The following VSIG10L variants were observed in gnomAD, a reference collection of about 807,000 sequenced individuals.
VSIG10L encodes the protein V-set and immunoglobulin domain-containing protein 10-like.
A neutral mutation model predicts 67.3 loss-of-function variants in VSIG10L; 63 were observed. That is an observed-to-expected ratio of 0.94 (90% confidence interval 0.76 to 1.15). The LOEUF is 1.15. Ranked by LOEUF, VSIG10L falls within the 50% of genes most tolerant of loss-of-function variation. VSIG10L has a pLI of 0.00. For synonymous variants in VSIG10L, 499 were observed against 524.9 expected, an observed-to-expected ratio of 0.95 and a Z score of 0.67; for missense variants, 1,050 against 1,177.5, an observed-to-expected ratio of 0.89 and a Z score of 1.58.
rs1985657520 is a variant in VSIG10L at position 51,342,125 on chromosome 19, G to A, written c.-1C>T. On this transcript the variant is annotated 5_prime_UTR_variant, in exon 1 of 10. Coordinates refer to ENST00000335624, the MANE Select transcript of VSIG10L (RefSeq NM_001163922.3). This position sits in a 1 kb window ranked among gnomAD's most constrained non-coding sequence, Gnocchi z 4.4. ...GTGGCAGAGCCTGTGGGTTGTCCAT[G>A]GTGCTGGCCTCACTGAAAGGACACT... The A allele has an allele frequency of 4.5e-6, 7 of 1,551,590 alleles. No homozygotes were observed. The highest frequency in any genetic ancestry group is 6.1e-6 in the Non-Finnish European group (7 of 1,146,990).
chr19:51,333,872 A>G lies in VSIG10L; in HGVS notation c.2493T>C (p.His831=), dbSNP rs200741101. Reference sequence around the variant, plus strand: ...ATGAAATCTCCACTGGGGTCACACTATGCATCTTCTTTTCTGAGGGGGTGA... The same window carrying G: ...ATGAAATCTCCACTGGGGTCACACTGTGCATCTTCTTTTCTGAGGGGGTGA... ...PVVTPSEKKM[H]SVTPVEISWP... is the part of the protein sequence containing the mutation. The change falls in exon 9 of 10, where the codon CAT becomes CAC. Residue 831 remains histidine (H), a synonymous_variant. Coordinates refer to ENST00000335624, the MANE Select transcript of VSIG10L (RefSeq NM_001163922.3). 3.3e-4 allele frequency: 510 copies of G among 1,551,654 alleles called. No individual in the cohort carries two copies. The Middle Eastern group carries it at 3.8e-3, about 12-fold the overall frequency.
rs1985507486 is a variant in VSIG10L at position 51,337,332 on chromosome 19, A to G, written c.2211T>C (p.Leu737=). 6.4e-7 allele frequency: 1 copy of G among 1,551,520 alleles called. No individual in the cohort carries two copies. Among genetic ancestry groups the G allele is most frequent in the South Asian group, 1.2e-5 (1 of 84,056 alleles). The change falls in exon 7 of 10, where the codon CTT becomes CTC. Residue 737 remains leucine, a synonymous_variant. Transcript: ENST00000335624. ...TCCAGGTCCCTGGGTTCCGAGGTGG[A>G]AGGGGCACCACGGCTGACCGCTCCT... ...GPQERSAVVP[L]PPRNPGTWTF...
rs1263178238 is a variant in VSIG10L at position 51,338,047 on chromosome 19, T to C, written c.1891A>G (p.Ser631Gly). 211 of 1,551,534 alleles carry C rather than the reference T, an allele frequency of 1.4e-4. No individual in the cohort carries two copies. Among genetic ancestry groups the C allele is most frequent in the Non-Finnish European group, 1.8e-4 (206 of 1,146,972 alleles). ...ATGTGGAGTTTCCGCCCATCTTGAC[T>C]GAGCCGCAGGCGACTCCCGCCTCCT... ...APGGGSRLRL[S>G]QDGRKLHIGN... Residue 631 changes from serine to glycine, a missense_variant, in exon 6 of 10, where the codon AGT (serine) becomes GGT (glycine). Transcript: ENST00000335624.
chr19:51,332,341 G>A lies in VSIG10L; in HGVS notation c.*270C>T. On this transcript the variant is annotated 3_prime_UTR_variant, in exon 10 of 10. Transcript: ENST00000335624. ...CCTGCCTGTCTGCTGCAGAGGCTTGGAGGTTGTGCAAACCACACAGTTAGA... is the reference window on the plus strand; with the variant it reads ...CCTGCCTGTCTGCTGCAGAGGCTTGAAGGTTGTGCAAACCACACAGTTAGA... The A allele has an allele frequency of 1.7e-5, 9 of 538,242 alleles. No individual in the cohort carries two copies. Among genetic ancestry groups the A allele is most frequent in the Non-Finnish European group, 2.7e-5 (8 of 293,822 alleles). The allele number at this position is 538,242 out of a possible 1,614,324, so 33.3% of individuals were successfully genotyped here.
chr19:51,332,678 G>A (rs1212229481), intron 9 of VSIG10L, 38 bp from the exon 10 acceptor site: 1 of 1,535,034 alleles, frequency 6.5e-7, no homozygotes, highest in East Asian at 2.5e-5. Context: ...GAACTCAGTA[G>A]GTACTCTGGA....
chr19:51,332,607 C>T lies in VSIG10L; in HGVS notation c.*4G>A. 6.5e-7 allele frequency: 1 copy of T among 1,544,188 alleles called. No individual in the cohort carries two copies. Among genetic ancestry groups the T allele is most frequent in the African/African-American group, 1.4e-5 (1 of 70,210 alleles). On this transcript the variant is annotated 3_prime_UTR_variant, in exon 10 of 10. Transcript: ENST00000335624. ...GGCTGCGCGAACAGTCTTTGAGCCT[C>T]CGCCTACAGAGACAACTGAACTGGG...
chr19:51,337,207 G>A (rs1447782301), intron 7 of VSIG10L, 31 bp downstream of exon 7: 2 of 1,521,536 alleles, frequency 1.3e-6, no homozygotes, highest in Non-Finnish European at 8.9e-7. Flanking sequence ...TGGCACAACA[G>A]AGAAGGTCTA....
In VSIG10L at chr19:51,337,465, C is replaced by T. The variant is rs959599620; in HGVS notation, c.2078G>A (p.Arg693His). 1.2e-5 allele frequency: 19 copies of T among 1,551,340 alleles called. No homozygotes were observed. The highest frequency in any genetic ancestry group is 4.9e-5 in the East Asian group (2 of 40,912). Residue 693 changes from arginine (R) to histidine (H), a missense_variant, in exon 7 of 10, where the codon CGC (arginine) becomes CAC (histidine). By Grantham distance (29) the Arg-to-His change is conservative (BLOSUM62 0). Around this residue, in one of 3 missense-constraint regions of VSIG10L, gnomAD observed 529 missense variants for 584.9 expected, o/e 0.90. Coordinates refer to ENST00000335624, the MANE Select transcript of VSIG10L (RefSeq NM_001163922.3). ...DAAVLTWDVE[R>H]GALISSFEIQ... The stretch of plus-strand genomic sequence containing the variant: ...CTCAAAACTGCTGATCAGGGCCCCG[C>T]GCTCCACATCCCAAGTCAGCACGGC...
chr19:51,336,958 G>A (rs532595316), intron 7 of VSIG10L, among the ~76,000 whole-genome samples: 26 of 152,114 alleles, frequency 1.7e-4, no homozygotes, highest in African/African-American at 5.5e-4. Context: ...AGTAGAGACG[G>A]GGTTTCACCG....
Position 51,339,127 on chromosome 19 carries a change from GC to G in VSIG10L, c.1489del (p.Ala497ProfsTer191). On this transcript the variant is annotated frameshift_variant, in exon 5 of 10. Coordinates refer to ENST00000335624, the MANE Select transcript of VSIG10L (RefSeq NM_001163922.3). LOFTEE classifies it high-confidence loss of function. ...ACCCCCTTCAACTGAGCACTGTGGG[GC>G]CCCGGGGGGCAGGTCTGCGGAGAGA... is the stretch of plus-strand genomic sequence containing the variant. ...NLTVADLPPGAPQCSVEGGPG... is the reference protein window; with the variant it reads ...NLTVADLPPGXPQCSVEGGPG... The G allele has an allele frequency of 7.6e-7, 1 of 1,310,530 alleles. No individual in the cohort carries two copies. Among genetic ancestry groups the G allele is most frequent in the Non-Finnish European group, 9.8e-7 (1 of 1,021,350 alleles). 81.2% of individuals were successfully genotyped at this position (1,310,530 alleles called of 1,614,324 possible). A position where few individuals can be genotyped will look rare whatever the true frequency, so the allele number is the denominator to read the frequency against.
chr19:51,340,172 C>T lies in VSIG10L; in HGVS notation c.1317G>A (p.Thr439=), dbSNP rs1294825633. The T allele has an allele frequency of 2.7e-6, 4 of 1,461,930 alleles. No individual in the cohort carries two copies. Among genetic ancestry groups the T allele is most frequent in the Non-Finnish European group, 3.6e-6 (4 of 1,113,070 alleles). 90.6% of individuals were successfully genotyped at this position (1,461,930 alleles called of 1,614,324 possible). A position where few individuals can be genotyped will look rare whatever the true frequency, so the allele number is the denominator to read the frequency against. ...CCTCGGCCGGGTCCGCCAGGCTCCA[C>T]GTGATGTCGGCGGGCGGCCGCGAGG... ...AAASRPPADI[T]WSLADPAEAA... The change falls in exon 4 of 10, where the codon ACG becomes ACA. Residue 439 remains threonine, a synonymous_variant. Coordinates refer to ENST00000335624, the MANE Select transcript of VSIG10L (RefSeq NM_001163922.3). This position sits in a 1 kb window ranked among gnomAD's most constrained non-coding sequence, Gnocchi z 6.3.
intron 9 of VSIG10L, 60 bp from the exon 10 acceptor site, chr19:51,332,700 T>G: frequency 6.9e-7 from 1 of 1,457,964 alleles, no homozygotes; most frequent in Non-Finnish European, 9.3e-7. Context: ...GTGACATAAC[T>G]CACCCGCCTA....
At position 51,339,082 on chromosome 19, in the gene VSIG10L, C is replaced by T; in HGVS notation, c.1535G>A (p.Arg512His). ...VEGGPGDRSL[R>H]FRCSWPGGAP... ...CCCGCCGGGCCACGAGCAGCGGAAGCGGAGGCTGCGGTCCCCGGGACCCCC... is the reference window on the plus strand; with the variant it reads ...CCCGCCGGGCCACGAGCAGCGGAAGTGGAGGCTGCGGTCCCCGGGACCCCC... Residue 512 changes from arginine to histidine, a missense_variant, in exon 5 of 10, where the codon CGC (arginine) becomes CAC (histidine). By Grantham distance (29) the Arg-to-His change is conservative. Transcript: ENST00000335624. The T allele has an allele frequency of 1.5e-6, 2 of 1,338,644 alleles. No individual in the cohort carries two copies. The highest frequency in any genetic ancestry group is 9.6e-7 in the Non-Finnish European group (1 of 1,037,048). 82.9% of individuals were successfully genotyped at this position (1,338,644 alleles called of 1,614,324 possible).
Position 51,332,914 on chromosome 19 carries a change from G to A in VSIG10L, c.2575-274C>T, listed in dbSNP as rs549836306. Among the ~76,000 whole-genome samples the A allele has an allele frequency of 2.6e-5, 4 of 152,082 alleles. No homozygotes were observed. In the East Asian group the frequency reaches 5.8e-4, roughly 22 times the overall value. Reference sequence around the variant, plus strand: ...ATCCAGGCTAGAGTACAGTGGCACCGTTAGAGCTCACTGCAGCCTTGACCT... The same window carrying A: ...ATCCAGGCTAGAGTACAGTGGCACCATTAGAGCTCACTGCAGCCTTGACCT... On this transcript the variant is annotated intron_variant, in intron 9 of 9. Transcript: ENST00000335624.
chr19:51,333,168 T>C (rs748437842), intron 9 of VSIG10L, among the ~76,000 whole-genome samples: 4 of 152,052 alleles, frequency 2.6e-5, no homozygotes, highest in Non-Finnish European at 4.4e-5. Context: ...CCTTCTTTTA[T>C]GGGGAATGAG....
Position 51,341,679 on chromosome 19 carries a change from C to G in VSIG10L, c.369G>C (p.Ser123=). 1 of 1,551,560 alleles carries G rather than the reference C, an allele frequency of 6.4e-7. No homozygotes were observed. Among genetic ancestry groups the G allele is most frequent in the Non-Finnish European group, 8.7e-7 (1 of 1,146,976 alleles). Residue 123 remains serine, a synonymous_variant, in exon 2 of 10, where the codon TCG becomes TCC. Transcript: ENST00000335624. The stretch of plus-strand genomic sequence containing the variant: ...GGTCTTTGGCAGGAACTTGAGGATC[C>G]GAAATATCAGGAAATACTTCAGAAC... ...TPGSEVFPDI[S]DPQVPAKDPK...
Position 51,340,088 on chromosome 19 carries a change from G to A in VSIG10L, c.1401C>T (p.Gly467=), listed in dbSNP as rs1255380721. The part of the protein sequence containing the change: ...LLPAVGPGHA[G]TYACLAANPR... ...GGTTCGCCGCCAGGCAGGCGTAGGT[G>A]CCTGCGTGGCCCGGTCCGACCGCGG... The change falls in exon 4 of 10, where the codon GGC becomes GGT. Residue 467 remains glycine, a synonymous_variant. Coordinates refer to ENST00000335624, the MANE Select transcript of VSIG10L (RefSeq NM_001163922.3). This position sits in a 1 kb window ranked among gnomAD's most constrained non-coding sequence, Gnocchi z 6.3. 2 of 1,386,360 alleles carry A rather than the reference G, an allele frequency of 1.4e-6. No homozygotes were observed. Among genetic ancestry groups the A allele is most frequent in the Non-Finnish European group, 1.9e-6 (2 of 1,071,248 alleles). 85.9% of individuals were successfully genotyped at this position (1,386,360 alleles called of 1,614,324 possible).
rs931485834 is a variant in VSIG10L, at chr19:51,340,655, G to A, written c.967C>T (p.Arg323Cys). 6.5e-7 allele frequency: 1 copy of A among 1,531,886 alleles called. No homozygotes were observed. Among genetic ancestry groups the A allele is most frequent in the Non-Finnish European group, 8.7e-7 (1 of 1,144,554 alleles). 94.9% of individuals were successfully genotyped at this position (1,531,886 alleles called of 1,614,324 possible). ...CGACCTGGCCCCCACCCCAGGCAGC[G>A]CAGCCGGAGCTCGGCCGCCCCCTCC... ...TEEGAAELRLRCLGWGPGRGE... is the reference protein window; with the variant it reads ...TEEGAAELRLCCLGWGPGRGE... Residue 323 changes from arginine (R) to cysteine (C), a missense_variant, in exon 3 of 10, where the codon CGC becomes TGC. Arg to Cys is a radical substitution (Grantham distance 180, BLOSUM62 -3). Around this residue, in one of 3 missense-constraint regions of VSIG10L, gnomAD observed 511 missense variants for 557.9 expected, o/e 0.92. Coordinates refer to ENST00000335624, the MANE Select transcript of VSIG10L (RefSeq NM_001163922.3). The surrounding 1 kb of genome is among the most constrained non-coding windows in gnomAD (Gnocchi z 6.3).
In VSIG10L at chr19:51,340,255, C is replaced by A. The variant is rs1985598298; in HGVS notation, c.1234G>T (p.Ala412Ser). The change falls in exon 4 of 10, where the codon GCC becomes TCC. Residue 412 changes from alanine to serine, a missense_variant. This residue lies in a region of VSIG10L where 511 missense variants were observed against 557.9 expected (regional missense o/e 0.92). Transcript: ENST00000335624. This position sits in a 1 kb window ranked among gnomAD's most constrained non-coding sequence, Gnocchi z 6.3. ...PTITVSSDRDAAPARFVTAGS... is the reference protein window; with the variant it reads ...PTITVSSDRDSAPARFVTAGS... ...GCGGTGACAAAGCGGGCAGGCGCGG[C>A]GTCGCGGTCCGAGGAGACCGTGATG... 4 of 1,513,608 alleles carry A rather than the reference C, an allele frequency of 2.6e-6. No homozygotes were observed. Among genetic ancestry groups the A allele is most frequent in the Non-Finnish European group, 3.5e-6 (4 of 1,138,482 alleles). The allele number at this position is 1,513,608 out of a possible 1,614,324, so 93.8% of individuals were successfully genotyped here.
Sources: gnomAD v4.1 joint callset for allele counts (sites outside exome capture counted in the v4.1 genomes callset) on GRCh38, gnomAD v4.1.1 for gene constraint, gnomAD v4.1.1 regional missense constraint, Gnocchi (gnomAD v3.1) non-coding constraint, MANE v1.5 for transcripts, NCBI Gene and HGNC (gene_info 2026-07-23, HGNC 2026-07-21) for gene names.